Variants in SELENOO observed in about 807,000 individuals in gnomAD.
SELENOO encodes protein adenylyltransferase SelO, mitochondrial.
Under a neutral mutation model 58.7 loss-of-function variants are expected in SELENOO, and 74 were observed. The ratio of observed to expected loss-of-function variants is 1.26; its 90% CI spans 1.04 to 1.53. The LOEUF (loss-of-function observed/expected upper bound fraction) is 1.53, where lower values mean the gene tolerates loss of function less well. SELENOO is among the 40% of genes most tolerant of loss of function. The pLI is 0.00. For synonymous variants in SELENOO, 543 were observed against 453.2 expected, an observed-to-expected ratio of 1.20 and a Z score of -2.52; for missense variants, 1,149 against 970.0, an observed-to-expected ratio of 1.18 and a Z score of -2.45.
rs201449253 is a variant in SELENOO at position 50,210,582 on chromosome 22, C to T, written c.1071-49C>T. 1.5e-4 allele frequency: 238 copies of T among 1,611,214 alleles called. No homozygotes were observed. The East Asian group carries it at 4.3e-3, about 29-fold the overall frequency. ...CCTCCAGGGTGGCTGCACCATCTCC[C>T]GGGAACTTCCTCTCAGGCAGGGCGT... On this transcript the variant is annotated intron_variant, in intron 4 of 8. Transcript: ENST00000380903.
rs760531378 is a variant in SELENOO at position 50,215,805 on chromosome 22, GA to G, written c.1441del (p.Met481TrpfsTer10). The part of the protein sequence containing the change: ...PGLAEFLARL[M>X]EQCASLEELR... The stretch of plus-strand genomic sequence containing the variant: ...GCCTGGCGGAATTCCTGGCCAGGCT[GA>G]TGGAGCAGTGTGCCTCCCTGGAGGA... On this transcript the variant is annotated frameshift_variant, in exon 6 of 9. Transcript: ENST00000380903. LOFTEE classifies it high-confidence loss of function. 3.5e-4 allele frequency: 567 copies of G among 1,612,796 alleles called. 4 individuals are homozygous for G. The highest frequency in any genetic ancestry group is 6.8e-4 in the Admixed American group (41 of 60,002).
In SELENOO at chr22:50,217,451, C is replaced by CTA; in HGVS notation, c.*85_*86dup. ...GTGGCCAAGATGATGCCAGGCTGCCCTATACACTGGGGGATTCTGCCCTGG... is the reference window on the plus strand; with the variant it reads ...GTGGCCAAGATGATGCCAGGCTGCCCTATATACACTGGGGGATTCTGCCCTGG... On this transcript the variant is annotated 3_prime_UTR_variant, in exon 9 of 9. Transcript: ENST00000380903. The CTA allele has an allele frequency of 4.0e-6, 6 of 1,508,082 alleles. 1 individual carries two copies. The East Asian group carries it at 1.4e-4, about 36-fold the overall frequency. 93.4% of individuals were successfully genotyped at this position (1,508,082 alleles called of 1,614,324 possible).
chr22:50,215,581 G>A (rs1426312681), intron 5 of SELENOO, 136 bp from the exon 6 acceptor site: 7 of 654,230 alleles, frequency 1.1e-5, no homozygotes, highest in Admixed American at 2.9e-5. Context: ...GCTGGCGGTG[G>A]GGGGCGGTGG....
intron 1 of SELENOO, among the ~76,000 whole-genome samples, chr22:50,202,968 T>C (rs1348593614): frequency 6.6e-6 from 1 of 152,236 alleles, no homozygotes; most frequent in Non-Finnish European, 1.5e-5. Flanking sequence ...CCCTTGTTCG[T>C]GGGTTGGATA....
rs2064425735 is a variant in SELENOO at position 50,217,233 on chromosome 22, C to A, written c.1874C>A (p.Thr625Asn). ...EVRRVLKLLE[T>N]PYHCEAGAAT... ...CGGCGGGTGCTGAAACTACTGGAGA[C>A]CCCTTACCACTGCGAGGCGGGGGCC... is the stretch of plus-strand genomic sequence containing the variant. The change falls in exon 9 of 9, where the codon ACC (threonine) becomes AAC (asparagine). Residue 625 changes from threonine to asparagine, a missense_variant. By Grantham distance (65) the Thr-to-Asn change is moderately conservative. Transcript: ENST00000380903. The A allele has an allele frequency of 1.9e-6, 3 of 1,611,834 alleles. No individual in the cohort carries two copies. The highest frequency in any genetic ancestry group is 1.7e-6 in the Non-Finnish European group (2 of 1,179,484).
In SELENOO at chr22:50,214,619, G is replaced by T. The variant is rs574129372; in HGVS notation, c.1352-1098G>T. On this transcript the variant is annotated intron_variant, in intron 5 of 8. Transcript: ENST00000380903. ...ACTCCATCTCAAAAAACAAAAATTA[G>T]CCAGGCATGGTGGCGGATGCCTGTA... Among the ~76,000 whole-genome samples, 3 of 151,954 alleles carry T rather than the reference G, an allele frequency of 2.0e-5. No individual in the cohort carries two copies. The South Asian group carries it at 6.2e-4, about 32-fold the overall frequency.
rs1602499223 is a variant in SELENOO at position 50,217,273 on chromosome 22, G to A, written c.1914G>A (p.Glu638=). ...AGGCGGGGGCCGCCACAGACGCCGA[G>A]GCCACGGAAGCCGACGGGGCGGACG... The part of the protein sequence containing the change: ...HCEAGAATDA[E]ATEADGADGR... Residue 638 remains glutamate, a synonymous_variant, in exon 9 of 9, where the codon GAG becomes GAA. Transcript: ENST00000380903. 2 of 1,612,310 alleles carry A rather than the reference G, an allele frequency of 1.2e-6. No homozygotes were observed. Among genetic ancestry groups the A allele is most frequent in the Non-Finnish European group, 1.7e-6 (2 of 1,179,678 alleles).
chr22:50,213,465 C>A (rs1241677572), intron 5 of SELENOO, among the ~76,000 whole-genome samples: 3 of 152,082 alleles, frequency 2.0e-5, no homozygotes, highest in African/African-American at 7.2e-5. Context: ...GGAGAACTTT[C>A]TGTGTGCCCT....
chr22:50,209,027 TC>T (rs2064351006), intron 3 of SELENOO, among the ~76,000 whole-genome samples: 1 of 152,122 alleles, frequency 6.6e-6, no homozygotes, highest in East Asian at 1.9e-4. Context: ...GCTGGGCACC[TC>T]CCACGTGGGT....
At position 50,208,829 on chromosome 22, in the gene SELENOO, C is replaced by T. The variant is rs1602491414; in HGVS notation, c.939+113C>T. 5 of 1,056,880 alleles carry T rather than the reference C, an allele frequency of 4.7e-6. No homozygotes were observed. The Admixed American group carries it at 9.2e-5, about 19-fold the overall frequency. 65.5% of individuals were successfully genotyped at this position (1,056,880 alleles called of 1,614,324 possible). A position where few individuals can be genotyped will look rare whatever the true frequency, so the allele number is the denominator to read the frequency against. On this transcript the variant is annotated intron_variant, in intron 3 of 8. Coordinates refer to ENST00000380903, the MANE Select transcript of SELENOO (RefSeq NM_031454.2). ...CAAAGGCTTTTACCCAGCCTCCCCG[C>T]CCTTCTCTGAGCTCCCGCTCCTGTC...
At chr22:50,216,563 G>A (rs2064413413) in intron 6 of SELENOO, 128 bp from the exon 7 acceptor site, 1 of 852,398 alleles carries the variant, frequency 1.2e-6, no homozygotes, top group Admixed American at 2.5e-5. Context: ...GGGACCTCGG[G>A]GACCGGGCTG....
rs1287295922 is a variant in SELENOO, at chr22:50,206,414, G to A, written c.652G>A (p.Ala218Thr). 1.9e-6 allele frequency: 3 copies of A among 1,614,070 alleles called. No homozygotes were observed. The highest frequency in any genetic ancestry group is 2.7e-5 in the African/African-American group (2 of 74,950). ...GGGAGTCCCCACCACACGGGCCGGC[G>A]CCTGCGTCACGTCCGAGTCCACGGT... is the stretch of plus-strand genomic sequence containing the variant. ...HLGVPTTRAG[A>T]CVTSESTVVR... Residue 218 changes from alanine (A) to threonine (T), a missense_variant, in exon 2 of 9, where the codon GCC (alanine) becomes ACC (threonine). By Grantham distance (58) the Ala-to-Thr change is moderately conservative. Coordinates refer to ENST00000380903, the MANE Select transcript of SELENOO (RefSeq NM_031454.2).
intron 1 of SELENOO, chr22:50,205,869 C>G (rs1468810959): frequency 5.6e-6 from 1 of 177,004 alleles, no homozygotes; most frequent in Non-Finnish European, 1.2e-5. Context: ...CTCTGCCCTG[C>G]CTCCTCCCAC....
chr22:50,204,432 G>C (rs1401932889), intron 1 of SELENOO, among the ~76,000 whole-genome samples: 1 of 152,146 alleles, frequency 6.6e-6, no homozygotes, highest in Non-Finnish European at 1.5e-5. Context: ...TTTGAGACCA[G>C]CCTGGCCAAC....
intron 5 of SELENOO, among the ~76,000 whole-genome samples, chr22:50,214,171 T>C (rs979054445): frequency 6.6e-6 from 1 of 152,178 alleles, no homozygotes; most frequent in Non-Finnish European, 1.5e-5. Flanking sequence ...TGGATGTGTC[T>C]CACTTTGTTG....
At position 50,201,390 on chromosome 22, in the gene SELENOO, C is replaced by G; in HGVS notation, c.354C>G (p.Ala118=). The change falls in exon 1 of 9, where the codon GCC becomes GCG. Residue 118 remains alanine (A), a synonymous_variant. Coordinates refer to ENST00000380903, the MANE Select transcript of SELENOO (RefSeq NM_031454.2). ...LGAPPAREAE[A]EAALFFSGNA... is the part of the protein sequence containing the mutation. ...CGCCGCCCGCGCGCGAGGCCGAGGC[C>G]GAGGCCGCGCTGTTCTTCAGCGGCA... 3.9e-6 allele frequency: 5 copies of G among 1,277,040 alleles called. No homozygotes were observed. The highest frequency in any genetic ancestry group is 5.0e-6 in the Non-Finnish European group (5 of 1,009,646). 79.1% of individuals were successfully genotyped at this position (1,277,040 alleles called of 1,614,324 possible).
At chr22:50,215,352 A>G (rs1182603550) in intron 5 of SELENOO, among the ~76,000 whole-genome samples, 2 of 151,690 alleles carry the variant, frequency 1.3e-5, no homozygotes, top group Non-Finnish European at 2.9e-5. Flanking sequence ...GGATGGGTGG[A>G]GGCTGAGGAG....
intron 1 of SELENOO, 43 bp downstream of exon 1, chr22:50,201,633 C>A: frequency 8.2e-7 from 1 of 1,212,668 alleles, no homozygotes; most frequent in Non-Finnish European, 1.0e-6. Context: ...TCCTCCCCGC[C>A]GGGGCGCCCC....
intron 5 of SELENOO, 91 bp from the exon 6 acceptor site, chr22:50,215,626 C>T: frequency 9.1e-7 from 1 of 1,103,892 alleles, no homozygotes; most frequent in South Asian, 1.5e-5. Flanking sequence ...AGCACCTGTG[C>T]CAGGGGGGTG....
Sources: gnomAD v4.1 joint callset for allele counts (sites outside exome capture counted in the v4.1 genomes callset) on GRCh38, gnomAD v4.1.1 for gene constraint, MANE v1.5 for transcripts, NCBI Gene and HGNC (gene_info 2026-07-23, HGNC 2026-07-21) for gene names.